The following OXR1 variants were observed in gnomAD, a reference collection of about 807,000 sequenced individuals.
OXR1 encodes the protein oxidation resistance 1.
Under a neutral mutation model 104.6 loss-of-function variants are expected in OXR1, and 41 were observed. That is an observed-to-expected ratio of 0.39 (90% CI 0.31 to 0.51). The LOEUF (loss-of-function observed/expected upper bound fraction) is 0.51, where lower values mean the gene tolerates loss of function less well. OXR1 is among the 20% of genes least tolerant of loss of function. The probability of loss-of-function intolerance (pLI) is 0.77; values close to 1 mark genes in which losing one functional copy is unlikely to be tolerated. For synonymous variants in OXR1, 348 were observed against 348.4 expected, an observed-to-expected ratio of 1.00 and a Z score of 0.01; for missense variants, 955 against 1,031.9, an observed-to-expected ratio of 0.93 and a Z score of 1.02.
chr8:106,337,388 TATGAG>T (rs1314151808), intron 1 of OXR1, among the ~76,000 whole-genome samples: 1 of 152,248 alleles, frequency 6.6e-6, no homozygotes, highest in East Asian at 1.9e-4. Context: ...CTTGACATTT[TATGAG>T]ATATTTCATT....
At chr8:106,745,048 G>A (rs1587319745) in intron 15 of OXR1, among the ~76,000 whole-genome samples, 1 of 152,136 alleles carries the variant, frequency 6.6e-6, no homozygotes. Flanking sequence ...TACCTGATAA[G>A]TGTAATAATG....
intron 1 of OXR1, among the ~76,000 whole-genome samples, chr8:106,286,071 G>A (rs1298469743): frequency 2.6e-5 from 4 of 152,072 alleles, no homozygotes; most frequent in Admixed American, 1.3e-4. Flanking sequence ...ATAGATTCAT[G>A]GTCTAAGTTG....
chr8:106,544,020 G>T (rs1327341343), intron 3 of OXR1, among the ~76,000 whole-genome samples: 3 of 152,082 alleles, frequency 2.0e-5, no homozygotes, highest in Non-Finnish European at 4.4e-5. Context: ...ATAGGTCAGG[G>T]ATGACACTGC....
chr8:106,578,589 T>C lies in OXR1; in HGVS notation c.220+59450T>C, dbSNP rs575502870. 2.0e-5 allele frequency among the ~76,000 whole-genome samples: 3 copies of C among 152,348 alleles called. No homozygotes were observed. In the South Asian group the frequency reaches 6.2e-4, roughly 32 times the overall value. On this transcript the variant is annotated intron_variant, in intron 3 of 16. Transcript: ENST00000517566. ...AAATTCTTGTGCATAGCATATCTCC[T>C]TTATCAACATTTTAAGGAATTAAGG...
chr8:106,373,601 A>G (rs1156385501), intron 2 of OXR1, among the ~76,000 whole-genome samples: 1 of 152,038 alleles, frequency 6.6e-6, no homozygotes, highest in Admixed American at 6.6e-5. Flanking sequence ...GTGTTCTTTA[A>G]TATCTTTTTA....
chr8:106,447,449 T>C (rs936778974), intron 2 of OXR1, among the ~76,000 whole-genome samples: 1 of 152,176 alleles, frequency 6.6e-6, no homozygotes, highest in Non-Finnish European at 1.5e-5. Flanking sequence ...TATGTAACCG[T>C]GGGCAAGTTC....
At chr8:106,441,591 T>C (rs1421357004) in intron 2 of OXR1, among the ~76,000 whole-genome samples, 1 of 152,178 alleles carries the variant, frequency 6.6e-6, no homozygotes, top group African/African-American at 2.4e-5. Flanking sequence ...TCTTACTTCC[T>C]TGAGAACTGG....
chr8:106,447,806 C>A (rs1373016041), intron 2 of OXR1: 3 of 1,108,848 alleles, frequency 2.7e-6, no homozygotes, highest in Admixed American at 3.0e-5. Context: ...ACGGCATATT[C>A]TTTGGGTGAT....
At chr8:106,735,653 G>A (rs1042488592) in intron 11 of OXR1, among the ~76,000 whole-genome samples, 5 of 152,128 alleles carry the variant, frequency 3.3e-5, no homozygotes, top group Admixed American at 1.3e-4. Flanking sequence ...TGGATTGAAG[G>A]CCATGAAAAA....
intron 3 of OXR1, among the ~76,000 whole-genome samples, chr8:106,570,719 C>A (rs572234334): frequency 1.3e-5 from 2 of 152,244 alleles, no homozygotes; most frequent in South Asian, 2.1e-4. Flanking sequence ...ACCTCATTGT[C>A]CCCAGATGCC....
intron 8 of OXR1, among the ~76,000 whole-genome samples, chr8:106,704,859 T>C (rs1830991483): frequency 1.3e-5 from 2 of 152,150 alleles, no homozygotes; most frequent in Admixed American, 1.3e-4. Context: ...TTTAAAGATA[T>C]TTCTTCAGAA....
At chr8:106,368,555 C>T (rs1332872015) in intron 2 of OXR1, among the ~76,000 whole-genome samples, 2 of 151,946 alleles carry the variant, frequency 1.3e-5, no homozygotes, top group African/African-American at 4.8e-5. Context: ...CCCCTCAACC[C>T]CCACCCCCCA....
At chr8:106,391,094 G>A (rs1817571146) in intron 2 of OXR1, among the ~76,000 whole-genome samples, 1 of 152,098 alleles carries the variant, frequency 6.6e-6, no homozygotes, top group Non-Finnish European at 1.5e-5. Context: ...CAAAATAATT[G>A]GAATTGGAGA....
At chr8:106,377,654 C>T (rs1816962952) in intron 2 of OXR1, among the ~76,000 whole-genome samples, 1 of 152,112 alleles carries the variant, frequency 6.6e-6, no homozygotes, top group African/African-American at 2.4e-5. Context: ...ATACAGTCAT[C>T]CGAGTTTCTG....
chr8:106,271,505 G>C (rs1020190479), intron 1 of OXR1, among the ~76,000 whole-genome samples: 4 of 152,086 alleles, frequency 2.6e-5, no homozygotes, highest in Non-Finnish European at 5.9e-5. Flanking sequence ...CGGGAAGTCA[G>C]GCAGAAGTCT....
chr8:106,422,532 A>T (rs1405770460), intron 2 of OXR1, among the ~76,000 whole-genome samples: 1 of 41,062 alleles, frequency 2.4e-5, no homozygotes, highest in Non-Finnish European at 3.8e-5. Context: ...ATAAAATAGT[A>T]AAAAAAGACT....
intron 2 of OXR1, among the ~76,000 whole-genome samples, chr8:106,382,323 A>G (rs1303900043): frequency 1.3e-5 from 2 of 152,166 alleles, no homozygotes; most frequent in Non-Finnish European, 2.9e-5. Context: ...CAGATCCCCA[A>G]GTGAAAAAAA....
intron 3 of OXR1, among the ~76,000 whole-genome samples, chr8:106,528,143 C>T (rs1813831139): frequency 1.3e-5 from 2 of 151,874 alleles, no homozygotes; most frequent in South Asian, 4.2e-4. Flanking sequence ...TTTCTTCCAC[C>T]CTGTTTCCTC....
intron 2 of OXR1, among the ~76,000 whole-genome samples, chr8:106,369,298 A>G (rs1314677175): frequency 1.3e-5 from 2 of 152,028 alleles, no homozygotes. Context: ...TGAATATTAG[A>G]CCTTTGTCAG....
Sources: gnomAD v4.1 joint callset for allele counts (sites outside exome capture counted in the v4.1 genomes callset) on GRCh38, gnomAD v4.1.1 for gene constraint, MANE v1.5 for transcripts, NCBI Gene and HGNC (gene_info 2026-07-23, HGNC 2026-07-21) for gene names.